Variants in ABL1 observed in about 807,000 individuals in gnomAD.
ABL1 encodes tyrosine-protein kinase ABL1.
ABL1 carries 11 observed loss-of-function variants against 94.7 expected under a neutral mutation model. The ratio of observed to expected loss-of-function variants is 0.12; its 90% CI spans 0.07 to 0.19. The LOEUF is 0.19. Among genes scored for constraint, ABL1 ranks in the 10% least tolerant of loss-of-function variants. The pLI, the probability that ABL1 is intolerant of heterozygous loss-of-function variation, is 1.00. For missense variants in ABL1, 1,082 were observed against 1,489.4 expected (o/e 0.73, Z 4.50); for synonymous variants, 656 against 622.4 (o/e 1.05, Z -0.80).
chr9:130,729,900 T>TG (rs1831639682), intron 1 of ABL1, among the ~76,000 whole-genome samples: 3 of 129,750 alleles, frequency 2.3e-5, no homozygotes, highest in Non-Finnish European at 3.5e-5. Flanking sequence ...CACACCAGGC[T>TG]ATTTTTTTTT....
chr9:130,767,656 T>A (rs1468623064), intron 1 of ABL1, among the ~76,000 whole-genome samples: 1 of 152,054 alleles, frequency 6.6e-6, no homozygotes, highest in Non-Finnish European at 1.5e-5. Flanking sequence ...GAATACCGAG[T>A]TTTAGTTCTG....
chr9:130,820,536 C>T (rs896086968), intron 1 of ABL1, among the ~76,000 whole-genome samples: 2 of 151,502 alleles, frequency 1.3e-5, no homozygotes, highest in African/African-American at 2.5e-5. Flanking sequence ...CTCACACACA[C>T]CTCTTTGCAG....
chr9:130,809,419 T>G (rs11244150), intron 1 of ABL1, among the ~76,000 whole-genome samples: 1 of 69,026 alleles, frequency 1.4e-5, no homozygotes, highest in Non-Finnish European at 3.6e-5. Context: ...AGAGAGAGAG[T>G]GTGTGTGTGT....
At chr9:130,879,152 C>A (rs1209834343) in intron 8 of ABL1, among the ~76,000 whole-genome samples, 1 of 152,230 alleles carries the variant, frequency 6.6e-6, no homozygotes, top group Admixed American at 6.5e-5. Flanking sequence ...GCTGCGATTA[C>A]AGGCGTGAGC....
At chr9:130,822,393 T>G (rs1302544227) in intron 1 of ABL1, among the ~76,000 whole-genome samples, 3 of 151,860 alleles carry the variant, frequency 2.0e-5, no homozygotes, top group Non-Finnish European at 2.9e-5. Flanking sequence ...TTTTTCCATG[T>G]CCTTGCCAAT....
chr9:130,869,407 T>C (rs1831214263), intron 4 of ABL1, among the ~76,000 whole-genome samples: 1 of 152,224 alleles, frequency 6.6e-6, no homozygotes, highest in Admixed American at 6.5e-5. Flanking sequence ...ATACTGACAT[T>C]CTTTCTGTTG....
In ABL1 at chr9:130,859,672, CTTTCCTTTTTTTTT is replaced by C. The variant is rs1346257541; in HGVS notation, c.550-3087_550-3074del. ...AAAAGAAACGCTGTTTCTTTTCTTTCTTTCCTTTTTTTTTTTTTTTTTTTTTTTTTTTTTGAGAC... is the reference window on the plus strand; with the variant it reads ...AAAAGAAACGCTGTTTCTTTTCTTTCTTTTTTTTTTTTTTTTTTTTGAGAC... On this transcript the variant is annotated intron_variant, in intron 3 of 10. Transcript: ENST00000318560. Among the ~76,000 whole-genome samples the C allele has an allele frequency of 2.8e-3, 242 of 86,576 alleles. 9 individuals carry two copies. The highest frequency in any genetic ancestry group is 0.011 in the African/African-American group (224 of 21,322). The allele number at this position is 86,576 out of a possible 152,430, so 56.8% of individuals were successfully genotyped here. A position where few individuals can be genotyped will look rare whatever the true frequency, so the allele number is the denominator to read the frequency against.
intron 1 of ABL1, among the ~76,000 whole-genome samples, chr9:130,775,740 G>A (rs896332839): frequency 1.3e-5 from 2 of 151,312 alleles, no homozygotes; most frequent in Admixed American, 6.6e-5. Context: ...CAAATCCCAC[G>A]TGGAATTAAA....
intron 3 of ABL1, among the ~76,000 whole-genome samples, chr9:130,855,586 G>A (rs1172543798): frequency 2.0e-5 from 3 of 152,194 alleles, no homozygotes; most frequent in African/African-American, 4.8e-5. Context: ...GTGCATACAC[G>A]CATGCAGTTT....
intron 1 of ABL1, among the ~76,000 whole-genome samples, chr9:130,774,227 C>T (rs1349698851): frequency 6.6e-6 from 1 of 152,200 alleles, no homozygotes; most frequent in Non-Finnish European, 1.5e-5. Flanking sequence ...TGCTAGAACA[C>T]ATATGAACAT....
rs375733599 is a variant in ABL1 at position 130,872,811 on chromosome 9, C to T, written c.908-49C>T. ...CTTTTTCTTTAGACAGTTGTTTGTTCAGTTGGGAGCGGAGCCACGTGTTGA... is the reference window on the plus strand; with the variant it reads ...CTTTTTCTTTAGACAGTTGTTTGTTTAGTTGGGAGCGGAGCCACGTGTTGA... On this transcript the variant is annotated intron_variant, in intron 5 of 10. Coordinates refer to ENST00000318560, the MANE Select transcript of ABL1 (RefSeq NM_005157.6). The surrounding 1 kb of genome is among the most constrained non-coding windows in gnomAD (Gnocchi z 5.0). 2.6e-6 allele frequency: 4 copies of T among 1,554,556 alleles called. No individual in the cohort carries two copies. The highest frequency in any genetic ancestry group is 2.7e-5 in the African/African-American group (2 of 73,122).
intron 1 of ABL1, among the ~76,000 whole-genome samples, chr9:130,792,907 AC>A: frequency 6.6e-6 from 1 of 152,306 alleles, no homozygotes; most frequent in Middle Eastern, 3.4e-3. Flanking sequence ...CTGACGGCTT[AC>A]AAAATGCTAC....
At chr9:130,871,217 G>C (rs1331886923) in intron 4 of ABL1, among the ~76,000 whole-genome samples, 1 of 152,190 alleles carries the variant, frequency 6.6e-6, no homozygotes, top group Non-Finnish European at 1.5e-5. Flanking sequence ...TTCTTGTTCT[G>C]ATAGTCAGTT....
intron 1 of ABL1, among the ~76,000 whole-genome samples, chr9:130,748,047 C>T (rs1831909517): frequency 1.3e-5 from 2 of 152,290 alleles, no homozygotes; most frequent in East Asian, 1.9e-4. Flanking sequence ...CTGGTATCCT[C>T]GGCTGAACTG....
chr9:130,818,187 G>A (rs1316455532), intron 1 of ABL1, among the ~76,000 whole-genome samples: 2 of 152,076 alleles, frequency 1.3e-5, no homozygotes, highest in East Asian at 1.9e-4. Context: ...TCAGTTTATC[G>A]GGCCAGGCTG....
chr9:130,880,239 TC>T lies in ABL1; in HGVS notation c.1513+84del, dbSNP rs1383581334. On this transcript the variant is annotated intron_variant, in intron 9 of 10. Transcript: ENST00000318560. The surrounding 1 kb of genome is among the most constrained non-coding windows in gnomAD (Gnocchi z 4.4). The stretch of plus-strand genomic sequence containing the variant: ...TGCAGCCTGGGTCATTCGGTTCACT[TC>T]CTGGTGAAAGTTCACAGACCAGCCT... 2 of 1,446,994 alleles carry T rather than the reference TC, an allele frequency of 1.4e-6. No individual in the cohort carries two copies. Among genetic ancestry groups the T allele is most frequent in the East Asian group, 2.3e-5 (1 of 44,096 alleles). The allele number at this position is 1,446,994 out of a possible 1,614,324, so 89.6% of individuals were successfully genotyped here. A position where few individuals can be genotyped will look rare whatever the true frequency, so the allele number is the denominator to read the frequency against.
rs1211470561 is a variant in ABL1 at position 130,863,611 on chromosome 9, T to C, written c.822+576T>C. Among the ~76,000 whole-genome samples the C allele has an allele frequency of 2.0e-5, 3 of 152,176 alleles. No individual in the cohort carries two copies. In the East Asian group the frequency reaches 5.8e-4, roughly 29 times the overall value. ...GACCAACTCAGATACAGTCTGGTCTTTCTTGTTAACTGGGACTTTACCCTC... is the reference window on the plus strand; with the variant it reads ...GACCAACTCAGATACAGTCTGGTCTCTCTTGTTAACTGGGACTTTACCCTC... On this transcript the variant is annotated intron_variant, in intron 4 of 10. Coordinates refer to ENST00000318560, the MANE Select transcript of ABL1 (RefSeq NM_005157.6). The surrounding 1 kb of genome is among the most constrained non-coding windows in gnomAD (Gnocchi z 4.3).
chr9:130,776,858 C>CT (rs1227431200), intron 1 of ABL1, among the ~76,000 whole-genome samples: 5 of 152,182 alleles, frequency 3.3e-5, no homozygotes, highest in Non-Finnish European at 7.3e-5. Context: ...TCCCAGAGCG[C>CT]TGGGGATACA....
At chr9:130,783,729 C>T (rs1205298632) in intron 1 of ABL1, among the ~76,000 whole-genome samples, 2 of 152,096 alleles carry the variant, frequency 1.3e-5, no homozygotes, top group South Asian at 2.1e-4. Context: ...AGTCTCCACT[C>T]ACTGCAACCT....
Sources: allele counts gnomAD v4.1 joint callset (sites outside exome capture counted in the v4.1 genomes callset), GRCh38; gene constraint gnomAD v4.1.1; non-coding constraint Gnocchi (gnomAD v3.1); transcripts MANE v1.5; gene names NCBI Gene and HGNC (gene_info 2026-07-23, HGNC 2026-07-21).